UBAP1: variants seen among roughly 807,000 people sequenced by gnomAD.
The protein encoded by UBAP1 is ubiquitin-associated protein 1.
UBAP1 carries 5 observed loss-of-function variants against 39.0 expected under a neutral mutation model. The ratio of observed to expected loss-of-function variants is 0.13; its 90% CI spans 0.07 to 0.27. The LOEUF (loss-of-function observed/expected upper bound fraction) is 0.27. UBAP1 is among the 10% of genes least tolerant of loss of function. UBAP1 has a pLI of 1.00. For synonymous variants in UBAP1, 211 were observed against 225.1 expected, an observed-to-expected ratio of 0.94 and a Z score of 0.56; for missense variants, 490 against 608.1, an observed-to-expected ratio of 0.81 and a Z score of 2.04.
At chr9:34,188,106 G>A (rs754005382) in intron 1 of UBAP1, among the ~76,000 whole-genome samples, 6 of 105,842 alleles carry the variant, frequency 5.7e-5, no homozygotes, top group South Asian at 4.2e-4. Flanking sequence ...AGTAATTTGG[G>A]TTCACTAAAA....
At chr9:34,222,065 G>A (rs1832789506) in intron 2 of UBAP1, among the ~76,000 whole-genome samples, 1 of 151,912 alleles carries the variant, frequency 6.6e-6, no homozygotes, top group African/African-American at 2.4e-5. Context: ...GAAGTTTGAA[G>A]TTGCAGTGAT....
rs1023517880 is a variant in UBAP1, at chr9:34,251,751, C to G, written c.*219C>G. 1 of 541,832 alleles carries G rather than the reference C, an allele frequency of 1.8e-6. No individual in the cohort carries two copies. Among genetic ancestry groups the G allele is most frequent in the Non-Finnish European group, 3.3e-6 (1 of 306,470 alleles). The allele number at this position is 541,832 out of a possible 1,614,324, so 33.6% of individuals were successfully genotyped here. Reference sequence around the variant, plus strand: ...AGTGCCCCCAGAACTGTCCTGGCTCCTTCCGTATTAAACGCATTTGCATTT... The same window carrying G: ...AGTGCCCCCAGAACTGTCCTGGCTCGTTCCGTATTAAACGCATTTGCATTT... On this transcript the variant is annotated 3_prime_UTR_variant, in exon 7 of 7. Coordinates refer to ENST00000297661, the MANE Select transcript of UBAP1 (RefSeq NM_016525.5).
rs1160193379 is a variant in UBAP1, at chr9:34,251,769, T to G, written c.*237T>G. 4.1e-6 allele frequency: 2 copies of G among 484,648 alleles called. No homozygotes were observed. Among genetic ancestry groups the G allele is most frequent in the Non-Finnish European group, 7.4e-6 (2 of 271,624 alleles). 30.0% of individuals were successfully genotyped at this position (484,648 alleles called of 1,614,324 possible). A position where few individuals can be genotyped will look rare whatever the true frequency, so the allele number is the denominator to read the frequency against. On this transcript the variant is annotated 3_prime_UTR_variant, in exon 7 of 7. Transcript: ENST00000297661. Reference sequence around the variant, plus strand: ...CTGGCTCCTTCCGTATTAAACGCATTTGCATTTTGAGAAGTGTCCTTCCCA... The same window carrying G: ...CTGGCTCCTTCCGTATTAAACGCATGTGCATTTTGAGAAGTGTCCTTCCCA...
At chr9:34,193,428 G>C (rs1830846796) in intron 1 of UBAP1, among the ~76,000 whole-genome samples, 1 of 152,082 alleles carries the variant, frequency 6.6e-6, no homozygotes, top group South Asian at 2.1e-4. Flanking sequence ...CCAAAAGTGT[G>C]GGGGTTTTTC....
At chr9:34,234,120 T>C in intron 2 of UBAP1, 96 bp from the exon 3 acceptor site, 1 of 1,289,258 alleles carries the variant, frequency 7.8e-7, no homozygotes, top group South Asian at 1.6e-5. Flanking sequence ...AGACTTAGGA[T>C]AGCAAAAATT....
intron 2 of UBAP1, 106 bp downstream of exon 2, chr9:34,221,054 G>T: frequency 1.1e-6 from 1 of 952,270 alleles, no homozygotes; most frequent in South Asian, 1.4e-5. Flanking sequence ...CTCTTTTAAT[G>T]AACAGCTTGA....
At chr9:34,246,765 C>T (rs1049912724) in intron 4 of UBAP1, among the ~76,000 whole-genome samples, 1 of 152,172 alleles carries the variant, frequency 6.6e-6, no homozygotes, top group African/African-American at 2.4e-5. Flanking sequence ...GAAAGGACTG[C>T]CACCTTCTGA....
chr9:34,239,306 A>G (rs1206698687), intron 3 of UBAP1, among the ~76,000 whole-genome samples: 2 of 152,168 alleles, frequency 1.3e-5, no homozygotes, highest in African/African-American at 2.4e-5. Context: ...TGGCCTCTCA[A>G]AGGAGGCCAA....
At chr9:34,215,423 T>A (rs1832251292) in intron 1 of UBAP1, among the ~76,000 whole-genome samples, 1 of 151,556 alleles carries the variant, frequency 6.6e-6, no homozygotes, top group Non-Finnish European at 1.5e-5. Flanking sequence ...CTAAGTAAAG[T>A]AACTCAGGAA....
intron 2 of UBAP1, 93 bp from the exon 3 acceptor site, chr9:34,234,123 C>A: frequency 7.5e-7 from 1 of 1,332,134 alleles, no homozygotes; most frequent in Non-Finnish European, 1.0e-6. Context: ...CTTAGGATAG[C>A]AAAAATTAAT....
At chr9:34,219,735 TCCCCCTTCCCC>T (rs1832564088) in intron 1 of UBAP1, among the ~76,000 whole-genome samples, 1 of 21,932 alleles carries the variant, frequency 4.6e-5, no homozygotes, top group Admixed American at 6.4e-4. Context: ...CCCCTCCCCC[TCCCCCTTCCCC>T]TCCCCTCCCC....
At chr9:34,223,029 G>A (rs1288347069) in intron 2 of UBAP1, among the ~76,000 whole-genome samples, 8 of 152,192 alleles carry the variant, frequency 5.3e-5, no homozygotes, top group Admixed American at 1.3e-4. Flanking sequence ...TGATCAGACT[G>A]AAAATAGTTG....
intron 1 of UBAP1, among the ~76,000 whole-genome samples, chr9:34,195,957 T>TTTTTTTTTTTTTTC: frequency 9.8e-6 from 1 of 101,624 alleles, no homozygotes; most frequent in Non-Finnish European, 2.2e-5. Flanking sequence ...TTTTTTTTTT[T>TTTTTTTTTTTTTTC]TTTTTTTGAG....
intron 1 of UBAP1, among the ~76,000 whole-genome samples, chr9:34,207,843 C>T (rs533282080): frequency 8.6e-5 from 13 of 152,042 alleles, no homozygotes; most frequent in South Asian, 6.2e-4. Context: ...AATAGTTTAT[C>T]GTATTCTCTT....
chr9:34,181,116 C>CTTTTTTTTT (rs67856544), intron 1 of UBAP1, among the ~76,000 whole-genome samples: 19,472 of 71,702 alleles, frequency 0.27, 4,073 homozygotes, highest in East Asian at 0.62. Flanking sequence ...GGCCTGTTTT[C>CTTTTTTTTT]TTTTTTTTTT....
chr9:34,248,988 T>TG (rs747172048), intron 4 of UBAP1, among the ~76,000 whole-genome samples: 51 of 151,830 alleles, frequency 3.4e-4, no homozygotes, highest in Non-Finnish European at 1.9e-4. Flanking sequence ...TCAGAAGTGG[T>TG]GGGGGAGTTA....
chr9:34,210,368 G>C (rs970691800), intron 1 of UBAP1, among the ~76,000 whole-genome samples: 2 of 152,172 alleles, frequency 1.3e-5, no homozygotes, highest in African/African-American at 4.8e-5. Context: ...AGTCTTCACA[G>C]TTACGTTCTT....
intron 1 of UBAP1, among the ~76,000 whole-genome samples, chr9:34,194,317 CTCTT>C (rs1830899541): frequency 6.6e-6 from 1 of 151,076 alleles, no homozygotes; most frequent in Non-Finnish European, 1.5e-5. Flanking sequence ...AAAATTCTCT[CTCTT>C]TTTTTTTTTT....
At chr9:34,249,065 T>G (rs2131634412) in intron 4 of UBAP1, among the ~76,000 whole-genome samples, 1 of 152,244 alleles carries the variant, frequency 6.6e-6, no homozygotes, top group South Asian at 2.1e-4. Context: ...GCAGGCTGCC[T>G]GTAGCTGGTG....
Sources: allele counts gnomAD v4.1 joint callset (sites outside exome capture counted in the v4.1 genomes callset), GRCh38; gene constraint gnomAD v4.1.1; transcripts MANE v1.5; gene names NCBI Gene and HGNC (gene_info 2026-07-23, HGNC 2026-07-21).